RPN1: variants seen among roughly 807,000 people sequenced by gnomAD.
RPN1 encodes the protein dolichyl-diphosphooligosaccharide--protein glycosyltransferase subunit 1.
RPN1 carries 12 observed loss-of-function variants against 55.5 expected under a neutral mutation model. That is an observed-to-expected ratio of 0.22 (90% confidence interval 0.14 to 0.35). The LOEUF (loss-of-function observed/expected upper bound fraction) is 0.35. Among genes scored for constraint, RPN1 ranks in the 10% least tolerant of loss-of-function variants. The pLI is 1.00. For synonymous variants in RPN1, 317 were observed against 305.9 expected (o/e 1.04, Z -0.38); for missense variants, 679 against 761.3 (o/e 0.89, Z 1.27).
chr3:128,641,360 T>C (rs2069723515), intron 2 of RPN1, among the ~76,000 whole-genome samples: 2 of 152,146 alleles, frequency 1.3e-5, no homozygotes, highest in South Asian at 4.1e-4. Flanking sequence ...ACGCCTTTAA[T>C]AATGGTTCAG....
chr3:128,645,841 C>T (rs2069762901), intron 1 of RPN1, among the ~76,000 whole-genome samples: 1 of 151,978 alleles, frequency 6.6e-6, no homozygotes, highest in African/African-American at 2.4e-5. Flanking sequence ...TACACACATA[C>T]ACAAAAAGAT....
rs140389727 is a variant in RPN1, at chr3:128,621,850, C to G, written c.1641+314G>C. 4.3e-4 allele frequency among the ~76,000 whole-genome samples: 66 copies of G among 152,290 alleles called. 1 individual carries two copies. The highest frequency in any genetic ancestry group is 1.4e-3 in the African/African-American group (60 of 41,564). On this transcript the variant is annotated intron_variant, in intron 9 of 9. Transcript: ENST00000296255. ...GATTCTAAAGTCTAGGTTCATTTTA[C>G]CACAACATAAGCAGCCTGGGACCTA... is the stretch of plus-strand genomic sequence containing the variant.
chr3:128,631,319 C>CA (rs1213956584), intron 4 of RPN1, among the ~76,000 whole-genome samples: 4 of 147,826 alleles, frequency 2.7e-5, no homozygotes, highest in African/African-American at 5.0e-5. Flanking sequence ...ACTAAAAATA[C>CA]AAAAAAAAAT....
intron 1 of RPN1, 38 bp downstream of exon 1, chr3:128,650,502 G>A (rs2069809633): frequency 8.6e-6 from 13 of 1,503,710 alleles, no homozygotes; most frequent in Non-Finnish European, 1.2e-5. Flanking sequence ...AGGCGGGAAG[G>A]GTCCCGGGAG....
chr3:128,635,616 T>TAGATAGATAG (rs1559755764), intron 3 of RPN1, among the ~76,000 whole-genome samples: 2 of 5,830 alleles, frequency 3.4e-4, no homozygotes, highest in African/African-American at 1.3e-3. Flanking sequence ...ACTTGAGATA[T>TAGATAGATAG]ATATATATAT....
At chr3:128,626,645 G>T in intron 6 of RPN1, 88 bp downstream of exon 6, 1 of 1,121,550 alleles carries the variant, frequency 8.9e-7, no homozygotes, top group Non-Finnish European at 1.4e-6. Flanking sequence ...CACAAAGACT[G>T]TGCCCCTAGA....
chr3:128,620,293 G>T lies in RPN1; in HGVS notation c.*118C>A. 1.3e-6 allele frequency: 1 copy of T among 786,814 alleles called. No individual in the cohort carries two copies. Among genetic ancestry groups the T allele is most frequent in the Non-Finnish European group, 1.9e-6 (1 of 533,274 alleles). The allele number at this position is 786,814 out of a possible 1,614,324, so 48.7% of individuals were successfully genotyped here. On this transcript the variant is annotated 3_prime_UTR_variant, in exon 10 of 10. Coordinates refer to ENST00000296255, the MANE Select transcript of RPN1 (RefSeq NM_002950.4). ...CAGGGCCTGGTTTCTCTTCCTTGAAGGCCTTTTACAGATGTCAGCTTTCAC... is the reference window on the plus strand; with the variant it reads ...CAGGGCCTGGTTTCTCTTCCTTGAATGCCTTTTACAGATGTCAGCTTTCAC...
chr3:128,622,140 A>C (rs760024231), intron 9 of RPN1, 24 bp downstream of exon 9: 4 of 1,611,734 alleles, frequency 2.5e-6, no homozygotes, highest in Non-Finnish European at 3.4e-6. Flanking sequence ...CAAGCCAAGC[A>C]ACTCTGTGAC....
At chr3:128,640,941 G>A (rs2069719754) in intron 2 of RPN1, 1 of 152,102 alleles carries the variant, frequency 6.6e-6, no homozygotes, top group Admixed American at 6.6e-5. Flanking sequence ...ATTTTGCTTT[G>A]ATAATTCAGA....
chr3:128,643,636 A>T (rs2069745135), intron 2 of RPN1, among the ~76,000 whole-genome samples: 1 of 152,090 alleles, frequency 6.6e-6, no homozygotes, highest in Admixed American at 6.6e-5. Context: ...TCTCTATTAA[A>T]AATACAAAAA....
At chr3:128,646,512 T>G (rs1271651734) in intron 1 of RPN1, among the ~76,000 whole-genome samples, 1 of 151,124 alleles carries the variant, frequency 6.6e-6, no homozygotes, top group South Asian at 2.1e-4. Flanking sequence ...ATAGTGAAAC[T>G]TCATCTCTAC....
rs373246570 is a variant in RPN1 at position 128,646,420 on chromosome 3, C to T, written c.262-1437G>A. Among the ~76,000 whole-genome samples, 120 of 152,148 alleles carry T rather than the reference C, an allele frequency of 7.9e-4. 1 individual carries two copies. In the South Asian group the frequency reaches 0.023, roughly 30 times the overall value. On this transcript the variant is annotated intron_variant, in intron 1 of 9. Coordinates refer to ENST00000296255, the MANE Select transcript of RPN1 (RefSeq NM_002950.4). ...AAAACTGGGCAGGCATGGTGGCTCACGCCTGTAATCCCAGCACTCTGACAG... is the reference window on the plus strand; with the variant it reads ...AAAACTGGGCAGGCATGGTGGCTCATGCCTGTAATCCCAGCACTCTGACAG...
intron 7 of RPN1, 64 bp downstream of exon 7, chr3:128,625,810 C>A (rs2069595340): frequency 1.3e-6 from 2 of 1,565,662 alleles, no homozygotes; most frequent in Non-Finnish European, 1.7e-6. Flanking sequence ...AAGGTGAGTT[C>A]TTGGCCCCCA....
At chr3:128,640,669 A>G (rs1031300279) in intron 2 of RPN1, among the ~76,000 whole-genome samples, 8 of 151,972 alleles carry the variant, frequency 5.3e-5, no homozygotes, top group African/African-American at 1.9e-4. Context: ...CATCTGATCA[A>G]CTCTAAGCTA....
intron 6 of RPN1, 49 bp downstream of exon 6, chr3:128,626,684 G>T: frequency 6.5e-7 from 1 of 1,529,156 alleles, no homozygotes; most frequent in Non-Finnish European, 9.1e-7. Flanking sequence ...GTACCACAAG[G>T]GTACAACCAG....
intron 1 of RPN1, among the ~76,000 whole-genome samples, chr3:128,646,267 T>C (rs1230940657): frequency 6.6e-6 from 1 of 151,232 alleles, no homozygotes; most frequent in Non-Finnish European, 1.5e-5. Flanking sequence ...TTTATTTTTG[T>C]AGAGACAAGA....
At chr3:128,644,817 A>T in intron 2 of RPN1, 102 bp downstream of exon 2, 1 of 734,268 alleles carries the variant, frequency 1.4e-6, no homozygotes, top group South Asian at 1.6e-5. Flanking sequence ...CCTGTAATAA[A>T]GCAGGCACTT....
intron 2 of RPN1, among the ~76,000 whole-genome samples, chr3:128,641,742 G>A (rs2069727199): frequency 1.3e-5 from 2 of 151,468 alleles, no homozygotes; most frequent in South Asian, 4.2e-4. Flanking sequence ...CCGAGTAGCT[G>A]GGGTTACAGG....
Position 128,625,986 on chromosome 3 carries a change from T to G in RPN1, c.1163A>C (p.Glu388Ala), listed in dbSNP as rs1208194993. Residue 388 changes from glutamate (E) to alanine (A), a missense_variant, in exon 7 of 10, where the codon GAA becomes GCA. Transcript: ENST00000296255. ...CAGCTCATCTGGGGCACGGCTGATT[T>G]CATAGGGACTATCAATTTCAATGTT... ...AKNIEIDSPY[E>A]ISRAPDELHY... 6.2e-7 allele frequency: 1 copy of G among 1,609,206 alleles called. No individual in the cohort carries two copies. The highest frequency in any genetic ancestry group is 2.2e-5 in the East Asian group (1 of 44,836).
Sources: allele counts gnomAD v4.1 joint callset (sites outside exome capture counted in the v4.1 genomes callset), GRCh38; gene constraint gnomAD v4.1.1; transcripts MANE v1.5; gene names NCBI Gene and HGNC (gene_info 2026-07-23, HGNC 2026-07-21).